SCN8A: variants seen among roughly 807,000 people sequenced by gnomAD.
SCN8A encodes sodium voltage-gated channel alpha subunit 8.
In SCN8A, 30 loss-of-function variants were observed where a neutral mutation model predicts 184.1. The ratio of observed to expected loss-of-function variants is 0.16; its 90% CI spans 0.12 to 0.22. SCN8A has a LOEUF of 0.22. Ranked by LOEUF, SCN8A falls within the 10% of genes least tolerant of loss-of-function variation. The probability of loss-of-function intolerance (pLI) is 1.00; values close to 1 mark genes in which losing one functional copy is unlikely to be tolerated. For synonymous variants in SCN8A, 852 were observed against 907.0 expected (o/e 0.94, Z 1.09); for missense variants, 1,057 against 2,498.9 (o/e 0.42, Z 12.30).
At chr12:51,785,742 A>G (rs1351794457) in intron 21 of SCN8A, among the ~76,000 whole-genome samples, 5 of 152,184 alleles carry the variant, frequency 3.3e-5, no homozygotes, top group Admixed American at 2.0e-4. Context: ...CAAGAGCAGT[A>G]ATGATCTAAC....
intron 11 of SCN8A, chr12:51,712,913 C>T: frequency 6.3e-7 from 1 of 1,587,720 alleles, no homozygotes; most frequent in Non-Finnish European, 8.6e-7. Context: ...CCTCCACCAC[C>T]TCCAAAGCTT....
chr12:51,604,939 T>A (rs976333056), intron 1 of SCN8A, among the ~76,000 whole-genome samples: 1 of 152,178 alleles, frequency 6.6e-6, no homozygotes, highest in Non-Finnish European at 1.5e-5. Flanking sequence ...GATTATTTTG[T>A]CACCCAGGTT....
At chr12:51,641,702 C>CT (rs1379537037) in intron 1 of SCN8A, among the ~76,000 whole-genome samples, 1 of 152,214 alleles carries the variant, frequency 6.6e-6, no homozygotes, top group Non-Finnish European at 1.5e-5. Flanking sequence ...TGTCCCACAT[C>CT]TTATCCACTG....
chr12:51,794,533 A>G lies in SCN8A; in HGVS notation c.4687A>G (p.Ile1563Val), dbSNP rs751979396. 8.7e-6 allele frequency: 14 copies of G among 1,613,934 alleles called. 1 individual carries two copies. In the East Asian group the frequency reaches 8.9e-5, roughly 10 times the overall value. Residue 1563 changes from isoleucine to valine, a missense_variant, in exon 26 of 27, where the codon ATC becomes GTC. By Grantham distance (29) the Ile-to-Val change is conservative. This residue lies in a region of SCN8A where 34 missense variants were observed against 64.0 expected (regional missense o/e 0.53). Transcript: ENST00000627620. The stretch of plus-strand genomic sequence containing the variant: ...CTACTGGATTAACCTGGTGTTTGTT[A>G]TCTTCTTCACCTGTGAGTGTGTGCT... ...ILYWINLVFV[I>V]FFTCECVLKM...
chr12:51,591,440 G>T, intron 1 of SCN8A, 81 bp downstream of exon 1: 1 of 153,058 alleles, frequency 6.5e-6, no homozygotes, highest in South Asian at 1.9e-4. Context: ...CCTTGAGCGG[G>T]GCTCGCCCAT....
At chr12:51,684,068 G>T (rs1218575782) in intron 2 of SCN8A, 106 bp from the exon 3 acceptor site, 6 of 721,870 alleles carry the variant, frequency 8.3e-6, no homozygotes, top group East Asian at 2.6e-5. Context: ...GAAGTAAAAA[G>T]TATTAAAGAC....
intron 22 of SCN8A, 117 bp from the exon 23 acceptor site, chr12:51,788,578 C>T (rs138061911): frequency 1.7e-6 from 1 of 578,956 alleles, no homozygotes; most frequent in African/African-American, 1.9e-5. Context: ...AGGGAGGCTG[C>T]ACCCAAACCC....
chr12:51,709,476 A>G (rs1275832239), intron 11 of SCN8A, among the ~76,000 whole-genome samples: 1 of 152,230 alleles, frequency 6.6e-6, no homozygotes, highest in Non-Finnish European at 1.5e-5. Context: ...TCAGGAGAGT[A>G]GCGATGTTGG....
Position 51,679,721 on chromosome 12 carries a change from C to CTTTTTT in SCN8A, c.277-4436_277-4431dup, listed in dbSNP as rs34564079. Reference sequence around the variant, plus strand: ...TGTGTTTGTCCAAAGACTATCTTGCCTTTTTTTTTTTTTTTTTTTTTTGAG... The same window carrying CTTTTTT: ...TGTGTTTGTCCAAAGACTATCTTGCCTTTTTTTTTTTTTTTTTTTTTTTTTTTTGAG... On this transcript the variant is annotated intron_variant, in intron 2 of 26. Coordinates refer to ENST00000627620, the MANE Select transcript of SCN8A (RefSeq NM_001330260.2). Among the ~76,000 whole-genome samples the CTTTTTT allele has an allele frequency of 4.2e-4, 36 of 85,478 alleles. 2 individuals carry two copies. The highest frequency in any genetic ancestry group is 1.5e-3 in the African/African-American group (32 of 22,048). The allele number at this position is 85,478 out of a possible 152,430, so 56.1% of individuals were successfully genotyped here.
At chr12:51,801,773 G>A (rs1938562181) in intron 26 of SCN8A, among the ~76,000 whole-genome samples, 1 of 152,140 alleles carries the variant, frequency 6.6e-6, no homozygotes, top group African/African-American at 2.4e-5. Context: ...AACTCCAGCA[G>A]GCCAGGCGCC....
chr12:51,695,242 C>T (rs1318165329), intron 6 of SCN8A, among the ~76,000 whole-genome samples: 1 of 152,114 alleles, frequency 6.6e-6, no homozygotes, highest in African/African-American at 2.4e-5. Context: ...AGCTGAATAC[C>T]ATTTCCAATT....
At chr12:51,789,090 C>A (rs1286579038) in intron 23 of SCN8A, among the ~76,000 whole-genome samples, 191 bp from the exon 24 acceptor site, 1 of 152,154 alleles carries the variant, frequency 6.6e-6, no homozygotes, top group South Asian at 2.1e-4. Flanking sequence ...CCACATGAGT[C>A]AGAGGACGAC....
chr12:51,751,845 G>T (rs1274631840), intron 14 of SCN8A, among the ~76,000 whole-genome samples: 1 of 152,168 alleles, frequency 6.6e-6, no homozygotes, highest in East Asian at 1.9e-4. Flanking sequence ...CGACAGAATG[G>T]GAGGCCTGGT....
At chr12:51,594,604 C>T (rs964478558) in intron 1 of SCN8A, among the ~76,000 whole-genome samples, 3 of 152,000 alleles carry the variant, frequency 2.0e-5, no homozygotes, top group African/African-American at 4.8e-5. Context: ...ATATAGAAAG[C>T]GTTAAAAATC....
Position 51,721,821 on chromosome 12 carries a change from G to C in SCN8A, c.1911G>C (p.Val637=). The change falls in exon 12 of 27, where the codon GTG becomes GTC. Residue 637 remains valine (V), a synonymous_variant. Transcript: ENST00000627620. The stretch of plus-strand genomic sequence containing the variant: ...TCTTCCCCAGCCTGCGGCGCAGCGT[G>C]AAGCGCAACAGCACGGTGGACTGCA... ...SRIFPSLRRS[V]KRNSTVDCNG... is the part of the protein sequence containing the mutation. 1 of 1,607,078 alleles carries C rather than the reference G, an allele frequency of 6.2e-7. No homozygotes were observed. Among genetic ancestry groups the C allele is most frequent in the Non-Finnish European group, 8.5e-7 (1 of 1,179,616 alleles).
chr12:51,665,790 G>A (rs543229004), intron 2 of SCN8A, among the ~76,000 whole-genome samples: 3 of 152,178 alleles, frequency 2.0e-5, no homozygotes, highest in African/African-American at 4.8e-5. Flanking sequence ...TAGGCTGGGC[G>A]CAATGGTTCA....
intron 14 of SCN8A, among the ~76,000 whole-genome samples, chr12:51,761,476 TTTA>T (rs944211372): frequency 2.0e-5 from 3 of 150,466 alleles, no homozygotes; most frequent in South Asian, 2.1e-4. Flanking sequence ...TTATTATTTA[TTTA>T]TTATTATTTA....
chr12:51,634,629 A>G (rs1249263840), intron 1 of SCN8A, among the ~76,000 whole-genome samples: 1 of 146,114 alleles, frequency 6.8e-6, no homozygotes, highest in Non-Finnish European at 1.5e-5. Context: ...CTACAATGAA[A>G]TACGTATTAT....
chr12:51,769,174 GGCA>G lies in SCN8A; in HGVS notation c.3217_3219del (p.Ser1073del). On this transcript the variant is annotated inframe_deletion, in exon 17 of 27. Coordinates refer to ENST00000627620, the MANE Select transcript of SCN8A (RefSeq NM_001330260.2). ...TGGCAATGGCACAACCAGCGGCATT[GGCA>G]GCAGCGTGGAGAAGTACATCATTGA... 1 of 1,613,654 alleles carries G rather than the reference GGCA, an allele frequency of 6.2e-7. No homozygotes were observed. The highest frequency in any genetic ancestry group is 2.2e-5 in the East Asian group (1 of 44,870).
Sources: gnomAD v4.1 joint callset for allele counts (sites outside exome capture counted in the v4.1 genomes callset) on GRCh38, gnomAD v4.1.1 for gene constraint, gnomAD v4.1.1 regional missense constraint, MANE v1.5 for transcripts, NCBI Gene and HGNC (gene_info 2026-07-23, HGNC 2026-07-21) for gene names.